PIK3C2G: variants seen among roughly 807,000 people sequenced by gnomAD.
PIK3C2G encodes phosphatidylinositol 3-kinase C2 domain-containing subunit gamma.
PIK3C2G carries 168 observed loss-of-function variants against 181.1 expected under a neutral mutation model. The ratio of observed to expected loss-of-function variants is 0.93; its 90% CI spans 0.82 to 1.05. PIK3C2G has a LOEUF of 1.05. PIK3C2G is among the 50% of genes least tolerant of loss of function. The pLI is 0.00. For synonymous variants in PIK3C2G, 573 were observed against 592.2 expected (o/e 0.97, Z 0.47); for missense variants, 1,869 against 1,732.8 (o/e 1.08, Z -1.40).
At chr12:18,366,910 G>T (rs1941685208) in intron 12 of PIK3C2G, among the ~76,000 whole-genome samples, 1 of 151,986 alleles carries the variant, frequency 6.6e-6, no homozygotes, top group Admixed American at 6.6e-5. Flanking sequence ...TTAAAGAATG[G>T]ATAAATAACT....
chr12:18,547,310 C>T (rs1944485272), intron 26 of PIK3C2G, among the ~76,000 whole-genome samples: 1 of 151,978 alleles, frequency 6.6e-6, no homozygotes, highest in Non-Finnish European at 1.5e-5. Context: ...CCAATGGTGG[C>T]AGTGCGGCTT....
Position 18,371,324 on chromosome 12 carries a change from A to G in PIK3C2G, c.1880+13A>G, listed in dbSNP as rs1465170725. On this transcript the variant is annotated intron_variant, in intron 13 of 32. Transcript: ENST00000538779. ...TGTTTCCAAAAGAGTAAGTGTATCA[A>G]TTGTGAGTAATAAGCCTATCATTTC... is the stretch of plus-strand genomic sequence containing the variant. 4 of 1,596,180 alleles carry G rather than the reference A, an allele frequency of 2.5e-6. No individual in the cohort carries two copies. The highest frequency in any genetic ancestry group is 1.3e-5 in the African/African-American group (1 of 74,386).
chr12:18,639,976 ATAT>A (rs973790900), intron 31 of PIK3C2G, among the ~76,000 whole-genome samples: 8 of 151,588 alleles, frequency 5.3e-5, no homozygotes, highest in Non-Finnish European at 1.0e-4. Flanking sequence ...TTAAAATGTG[ATAT>A]TATATAATAT....
intron 18 of PIK3C2G, among the ~76,000 whole-genome samples, chr12:18,439,624 T>C (rs1022222338): frequency 7.9e-5 from 12 of 152,010 alleles, no homozygotes; most frequent in African/African-American, 2.9e-4. Context: ...TCCGTGTATA[T>C]AACAAGTCAC....
intron 18 of PIK3C2G, among the ~76,000 whole-genome samples, chr12:18,463,621 G>A (rs1352737236): frequency 2.0e-5 from 3 of 152,170 alleles, no homozygotes; most frequent in Admixed American, 2.0e-4. Flanking sequence ...TAATGAGCAC[G>A]GGTAGTTTAT....
intron 31 of PIK3C2G, among the ~76,000 whole-genome samples, chr12:18,618,116 C>G (rs1207588442): frequency 6.7e-6 from 1 of 150,062 alleles, no homozygotes; most frequent in Non-Finnish European, 1.5e-5. Flanking sequence ...TTTTTTTTTT[C>G]TTTTTTAACT....
At chr12:18,528,493 G>A (rs1287329138) in intron 24 of PIK3C2G, among the ~76,000 whole-genome samples, 1 of 152,112 alleles carries the variant, frequency 6.6e-6, no homozygotes, top group African/African-American at 2.4e-5. Flanking sequence ...CTAAGTTTTA[G>A]TTTGGGGTAC....
intron 29 of PIK3C2G, among the ~76,000 whole-genome samples, chr12:18,592,533 C>A (rs1156645071): frequency 1.3e-5 from 2 of 151,772 alleles, no homozygotes; most frequent in Non-Finnish European, 2.9e-5. Flanking sequence ...CATTTAGTGG[C>A]AGAAACCTGA....
chr12:18,364,860 C>T (rs1351720478), intron 12 of PIK3C2G, among the ~76,000 whole-genome samples: 1 of 151,968 alleles, frequency 6.6e-6, no homozygotes, highest in Non-Finnish European at 1.5e-5. Context: ...ATCACTCTAC[C>T]TTGGGCTACG....
chr12:18,501,911 C>T (rs1466302620), intron 22 of PIK3C2G, among the ~76,000 whole-genome samples: 2 of 152,148 alleles, frequency 1.3e-5, no homozygotes, highest in African/African-American at 4.8e-5. Context: ...GGCATTGAAA[C>T]ACTCAGCAAC....
the PIK3C2G span, among the ~76,000 whole-genome samples, chr12:18,670,680 AT>A: frequency 6.6e-6 from 1 of 152,086 alleles, no homozygotes; most frequent in East Asian, 1.9e-4. Flanking sequence ...CATTATTATT[AT>A]TGCTATTATC....
chr12:18,706,367 T>C, the PIK3C2G span, among the ~76,000 whole-genome samples: 2 of 152,014 alleles, frequency 1.3e-5, no homozygotes, highest in Non-Finnish European at 1.5e-5. Context: ...TATACAAATA[T>C]TTAGAGATTT....
At position 18,538,332 on chromosome 12, in the gene PIK3C2G, A is replaced by G; in HGVS notation, c.3480+20A>G. 2.5e-6 allele frequency: 4 copies of G among 1,573,888 alleles called. No individual in the cohort carries two copies. Among genetic ancestry groups the G allele is most frequent in the Non-Finnish European group, 3.4e-6 (4 of 1,166,282 alleles). Reference sequence around the variant, plus strand: ...GAAATGGTAAGTCCCTTGGGAAAAAAAAACAAAAATAATAAGCTTCATTTA... The same window carrying G: ...GAAATGGTAAGTCCCTTGGGAAAAAGAAACAAAAATAATAAGCTTCATTTA... On this transcript the variant is annotated intron_variant, in intron 25 of 32. Transcript: ENST00000538779.
At chr12:18,634,614 A>G (rs1315189983) in intron 31 of PIK3C2G, among the ~76,000 whole-genome samples, 2 of 152,154 alleles carry the variant, frequency 1.3e-5, no homozygotes, top group Non-Finnish European at 2.9e-5. Flanking sequence ...TGCTGTTGAC[A>G]TTTTGGGCAC....
At chr12:18,403,622 T>A (rs1394143102) in intron 16 of PIK3C2G, among the ~76,000 whole-genome samples, 1 of 152,204 alleles carries the variant, frequency 6.6e-6, no homozygotes, top group Admixed American at 6.5e-5. Context: ...GGGGAGTTTT[T>A]AATATTGCTA....
chr12:18,418,984 A>T (rs1318246873), intron 16 of PIK3C2G, among the ~76,000 whole-genome samples: 2 of 152,178 alleles, frequency 1.3e-5, no homozygotes, highest in Admixed American at 6.6e-5. Flanking sequence ...TTAACATTTT[A>T]AGTCTATGTA....
chr12:18,472,563 G>A (rs1490934874), intron 18 of PIK3C2G, among the ~76,000 whole-genome samples: 6 of 151,924 alleles, frequency 3.9e-5, no homozygotes, highest in African/African-American at 7.3e-5. Flanking sequence ...GTATTGTCAG[G>A]GTTTGTGTAG....
chr12:18,506,258 G>A (rs1941828695), intron 24 of PIK3C2G, among the ~76,000 whole-genome samples: 2 of 152,144 alleles, frequency 1.3e-5, no homozygotes. Context: ...GAGATGGGAT[G>A]GAGAGGGGCG....
intron 12 of PIK3C2G, among the ~76,000 whole-genome samples, chr12:18,364,561 T>C (rs1941502962): frequency 6.6e-6 from 1 of 152,262 alleles, no homozygotes; most frequent in Non-Finnish European, 1.5e-5. Flanking sequence ...TAAGTGTTAT[T>C]GGGCAAATTA....
Sources: allele counts gnomAD v4.1 joint callset (sites outside exome capture counted in the v4.1 genomes callset), GRCh38; gene constraint gnomAD v4.1.1; transcripts MANE v1.5; gene names NCBI Gene and HGNC (gene_info 2026-07-23, HGNC 2026-07-21).